ARHGEF4: variants seen among roughly 807,000 people sequenced by gnomAD.
The protein encoded by ARHGEF4 is Rho guanine nucleotide exchange factor 4.
In ARHGEF4, 119 loss-of-function variants were observed where a neutral mutation model predicts 162.0. The ratio of observed to expected loss-of-function variants is 0.73; its 90% confidence interval spans 0.63 to 0.86. ARHGEF4 has a LOEUF of 0.86. ARHGEF4 is among the 40% of genes least tolerant of loss of function. The pLI, the probability that ARHGEF4 is intolerant of heterozygous loss-of-function variation, is 0.00. For missense variants in ARHGEF4, 2,488 were observed against 2,456.0 expected, an observed-to-expected ratio of 1.01 and a Z score of -0.28; for synonymous variants, 1,014 against 979.9, an observed-to-expected ratio of 1.03 and a Z score of -0.65.
chr2:130,961,251 A>G (rs1030101079), intron 4 of ARHGEF4, among the ~76,000 whole-genome samples: 1 of 152,192 alleles, frequency 6.6e-6, no homozygotes, highest in Admixed American at 6.5e-5. Context: ...CTCATGGCAC[A>G]CCTGGTCTGC....
chr2:130,991,557 C>G (rs143456427), intron 4 of ARHGEF4, among the ~76,000 whole-genome samples: 1 of 152,194 alleles, frequency 6.6e-6, no homozygotes, highest in Non-Finnish European at 1.5e-5. Flanking sequence ...CCGGCCCTGC[C>G]GGCCCCGGGC....
At chr2:130,960,493 A>T (rs1173287098) in intron 4 of ARHGEF4, among the ~76,000 whole-genome samples, 1 of 152,172 alleles carries the variant, frequency 6.6e-6, no homozygotes, top group Non-Finnish European at 1.5e-5. Context: ...TTAGGTTTGT[A>T]TAAGTTATGC....
chr2:130,903,915 C>A (rs903178181), intron 1 of ARHGEF4, among the ~76,000 whole-genome samples: 1 of 152,174 alleles, frequency 6.6e-6, no homozygotes, highest in Non-Finnish European at 1.5e-5. Context: ...TTTTCTTTAT[C>A]CAGCCCACCA....
intron 4 of ARHGEF4, among the ~76,000 whole-genome samples, chr2:130,999,451 C>T (rs550253094): frequency 2.4e-3 from 364 of 152,164 alleles, no homozygotes; most frequent in Non-Finnish European, 4.0e-3. Flanking sequence ...CCACTGTGCC[C>T]GGCCATAATC....
At position 130,964,295 on chromosome 2, in the gene ARHGEF4, G is replaced by C. The variant is rs912145690; in HGVS notation, c.3985+17660G>C. On this transcript the variant is annotated intron_variant, in intron 4 of 13. Transcript: ENST00000409359. ...GCGCCGCACGCGCCCTCCGCGCCCG[G>C]GTCTGTGCTCTTGGGACCCCCCGCC... 4 of 981,910 alleles carry C rather than the reference G, an allele frequency of 4.1e-6. No individual in the cohort carries two copies. In the African/African-American group the frequency reaches 7.0e-5, roughly 17 times the overall value. 60.8% of individuals were successfully genotyped at this position (981,910 alleles called of 1,614,324 possible).
chr2:130,991,479 C>G (rs1573545506), intron 4 of ARHGEF4, among the ~76,000 whole-genome samples: 1 of 152,150 alleles, frequency 6.6e-6, no homozygotes, highest in Non-Finnish European at 1.5e-5. Context: ...GGGCTGTGTG[C>G]GGCGCTTGCG....
At chr2:130,955,198 T>C (rs529369805) in intron 4 of ARHGEF4, among the ~76,000 whole-genome samples, 1 of 152,338 alleles carries the variant, frequency 6.6e-6, no homozygotes, top group South Asian at 2.1e-4. Context: ...CTTTTGTCTT[T>C]TAATCATGTT....
At chr2:130,880,166 G>A (rs146205975) in intron 1 of ARHGEF4, among the ~76,000 whole-genome samples, 39 of 152,274 alleles carry the variant, frequency 2.6e-4, no homozygotes, top group African/African-American at 8.2e-4. Flanking sequence ...CACAGCTGGC[G>A]GAGATCTGGG....
At chr2:130,905,168 C>T (rs1389976433) in intron 1 of ARHGEF4, among the ~76,000 whole-genome samples, 1 of 152,168 alleles carries the variant, frequency 6.6e-6, no homozygotes, top group Non-Finnish European at 1.5e-5. Context: ...TTATAGAATA[C>T]ACAAAATTAT....
intron 1 of ARHGEF4, among the ~76,000 whole-genome samples, chr2:130,872,589 C>G (rs145014337): frequency 2.8e-4 from 43 of 152,326 alleles, no homozygotes; most frequent in African/African-American, 9.9e-4. Context: ...GCAAATCTTA[C>G]TGCTGGCAAG....
chr2:130,929,959 C>G (rs1334768987), intron 2 of ARHGEF4: 1 of 151,438 alleles, frequency 6.6e-6, no homozygotes, highest in East Asian at 1.9e-4. Flanking sequence ...GTGGCGCAAT[C>G]TCGGCTCACT....
At chr2:131,026,518 A>G (rs1689484417) in intron 4 of ARHGEF4, among the ~76,000 whole-genome samples, 1 of 152,246 alleles carries the variant, frequency 6.6e-6, no homozygotes, top group Non-Finnish European at 1.5e-5. Context: ...GTATACATAC[A>G]TACATGAATA....
chr2:131,039,879 C>G, intron 6 of ARHGEF4, 137 bp from the exon 7 acceptor site: 1 of 1,429,374 alleles, frequency 7.0e-7, no homozygotes, highest in Non-Finnish European at 9.1e-7. Flanking sequence ...GTGGGGGGAG[C>G]TGGCCGGCCA....
At chr2:131,004,653 T>C (rs1351360442) in intron 4 of ARHGEF4, among the ~76,000 whole-genome samples, 1 of 151,802 alleles carries the variant, frequency 6.6e-6, no homozygotes, top group African/African-American at 2.4e-5. Context: ...GCGCCTGCCA[T>C]CCTCAGCCCT....
chr2:130,875,913 C>G (rs1249425769), intron 1 of ARHGEF4, among the ~76,000 whole-genome samples: 1 of 152,174 alleles, frequency 6.6e-6, no homozygotes, highest in Non-Finnish European at 1.5e-5. Context: ...TCCAGCTTCC[C>G]TAGTGTGGCA....
intron 1 of ARHGEF4, among the ~76,000 whole-genome samples, chr2:130,853,655 C>T (rs1681567834): frequency 6.6e-6 from 1 of 152,208 alleles, no homozygotes; most frequent in South Asian, 2.1e-4. Context: ...AGCAACGTCT[C>T]CCGTTGTCTT....
At chr2:130,841,071 G>A (rs546792743) in intron 1 of ARHGEF4, among the ~76,000 whole-genome samples, 5 of 152,148 alleles carry the variant, frequency 3.3e-5, no homozygotes, top group Non-Finnish European at 7.4e-5. Context: ...AAAAGTGGTT[G>A]TTTGTTTGTT....
intron 1 of ARHGEF4, among the ~76,000 whole-genome samples, chr2:130,907,754 C>T (rs897090261): frequency 2.6e-5 from 4 of 151,712 alleles, no homozygotes; most frequent in Non-Finnish European, 5.9e-5. Flanking sequence ...GAGATCGAGA[C>T]GATCCTGGCT....
chr2:131,039,401 T>C, intron 6 of ARHGEF4: 1 of 1,052,824 alleles, frequency 9.5e-7, no homozygotes, highest in Non-Finnish European at 1.1e-6. Context: ...GACTTACACC[T>C]GAAGAAGTTG....
Sources: allele counts gnomAD v4.1 joint callset (sites outside exome capture counted in the v4.1 genomes callset), GRCh38; gene constraint gnomAD v4.1.1; transcripts MANE v1.5; gene names NCBI Gene and HGNC (gene_info 2026-07-23, HGNC 2026-07-21).